Variants in CACNB2 observed in about 807,000 individuals in gnomAD.
CACNB2 encodes the protein calcium voltage-gated channel auxiliary subunit beta 2.
Under a neutral mutation model 73.3 loss-of-function variants are expected in CACNB2, and 42 were observed. That is an observed-to-expected ratio of 0.57 (90% confidence interval 0.45 to 0.74). The LOEUF (loss-of-function observed/expected upper bound fraction) is 0.74. Among genes scored for constraint, CACNB2 ranks in the 30% least tolerant of loss-of-function variants. The pLI, the probability that CACNB2 is intolerant of heterozygous loss-of-function variation, is 0.00. For missense variants in CACNB2, 940 were observed against 853.0 expected, an observed-to-expected ratio of 1.10 and a Z score of -1.27; for synonymous variants, 348 against 310.3, an observed-to-expected ratio of 1.12 and a Z score of -1.28.
At chr10:18,295,464 G>C (rs1294596311) in intron 2 of CACNB2, among the ~76,000 whole-genome samples, 1 of 152,170 alleles carries the variant, frequency 6.6e-6, no homozygotes, top group African/African-American at 2.4e-5. Context: ...AAACTCTCTT[G>C]CTGTTCTTTT....
At chr10:18,393,968 G>A (rs761578848) in intron 2 of CACNB2, among the ~76,000 whole-genome samples, 2 of 152,152 alleles carry the variant, frequency 1.3e-5, no homozygotes, top group Non-Finnish European at 2.9e-5. Flanking sequence ...CCAAGTAGGA[G>A]TCTCACTCTG....
chr10:18,159,489 A>G (rs1158729493), intron 2 of CACNB2, among the ~76,000 whole-genome samples: 2 of 152,218 alleles, frequency 1.3e-5, no homozygotes, highest in East Asian at 3.8e-4. Flanking sequence ...TGTAGCTTCT[A>G]ACAGCTTCTA....
At chr10:18,346,074 C>A (rs996261308) in intron 2 of CACNB2, among the ~76,000 whole-genome samples, 3 of 152,182 alleles carry the variant, frequency 2.0e-5, no homozygotes, top group African/African-American at 7.2e-5. Context: ...TAGCTTCCTG[C>A]AGGGCTCCCC....
At chr10:18,481,202 ATATATATATATATATATATATATATATAT>A (rs1243822061) in intron 3 of CACNB2, among the ~76,000 whole-genome samples, 231 of 7,200 alleles carry the variant, frequency 0.032, 15 homozygotes, top group Non-Finnish European at 0.047. Flanking sequence ...CTATATATAT[ATATATATATATATATATATATATATATAT>A]TTTTTTTTTT....
chr10:18,363,624 T>C (rs1445818277), intron 2 of CACNB2, among the ~76,000 whole-genome samples: 1 of 152,218 alleles, frequency 6.6e-6, no homozygotes, highest in Non-Finnish European at 1.5e-5. Context: ...AAAGCTAGTA[T>C]TTAATAGCAT....
At chr10:18,352,552 C>A (rs77141557) in intron 2 of CACNB2, among the ~76,000 whole-genome samples, 13,818 of 152,246 alleles carry the variant, frequency 0.091, 789 homozygotes, top group Admixed American at 0.13. Flanking sequence ...CATTTTTAAG[C>A]ACTCTTGTTT....
At chr10:18,421,629 G>A (rs1172664369) in intron 3 of CACNB2, among the ~76,000 whole-genome samples, 1 of 152,098 alleles carries the variant, frequency 6.6e-6, no homozygotes, top group Non-Finnish European at 1.5e-5. Context: ...GGTTTTTTAA[G>A]TGGTTATTTT....
chr10:18,186,195 G>C (rs191204384), intron 2 of CACNB2, among the ~76,000 whole-genome samples: 2 of 152,070 alleles, frequency 1.3e-5, no homozygotes, highest in African/African-American at 4.8e-5. Flanking sequence ...GAAGGTGGGC[G>C]GATCACCTGA....
At chr10:18,374,201 T>C (rs1167995958) in intron 2 of CACNB2, among the ~76,000 whole-genome samples, 1 of 152,146 alleles carries the variant, frequency 6.6e-6, no homozygotes, top group Non-Finnish European at 1.5e-5. Context: ...CAAGAAAAGA[T>C]TTGAACATGA....
At chr10:18,336,630 A>G (rs1483555080) in intron 2 of CACNB2, among the ~76,000 whole-genome samples, 1 of 30,934 alleles carries the variant, frequency 3.2e-5, no homozygotes, top group Non-Finnish European at 6.5e-5. Flanking sequence ...CAAAAAAAGA[A>G]AAAAAAAAAG....
At chr10:18,262,063 A>G (rs2131600637) in intron 2 of CACNB2, 1 of 517,882 alleles carries the variant, frequency 1.9e-6, no homozygotes. Context: ...GAAGGGTTGT[A>G]AAAGGGAACA....
At chr10:18,291,217 T>G (rs1226190421) in intron 2 of CACNB2, among the ~76,000 whole-genome samples, 3 of 152,206 alleles carry the variant, frequency 2.0e-5, no homozygotes, top group African/African-American at 7.2e-5. Flanking sequence ...TGAGCGGCAC[T>G]AGTGCCTCCT....
Position 18,543,323 on chromosome 10 carries a change from A to G in CACNB2, c.*3599A>G, listed in dbSNP as rs1294947877. The G allele has an allele frequency of 1.3e-5, 2 of 152,176 alleles. No individual in the cohort carries two copies. Among genetic ancestry groups the G allele is most frequent in the African/African-American group, 4.8e-5 (2 of 41,444 alleles). The allele number at this position is 152,176 out of a possible 1,614,324, so 9.4% of individuals were successfully genotyped here. A position where few individuals can be genotyped will look rare whatever the true frequency, so the allele number is the denominator to read the frequency against. On this transcript the variant is annotated 3_prime_UTR_variant, in exon 14 of 14. Coordinates refer to ENST00000324631, the MANE Select transcript of CACNB2 (RefSeq NM_201596.3). Reference sequence around the variant, plus strand: ...AAAAAAAAGATACCTCCACGTAGATAAAATATTTTATTCAACGTGAGCTCT... The same window carrying G: ...AAAAAAAAGATACCTCCACGTAGATGAAATATTTTATTCAACGTGAGCTCT...
At chr10:18,490,060 T>A (rs2049319445) in intron 3 of CACNB2, among the ~76,000 whole-genome samples, 1 of 152,100 alleles carries the variant, frequency 6.6e-6, no homozygotes. Context: ...GTATTTTTGG[T>A]AGAGACAGAG....
chr10:18,377,941 T>C (rs2042867946), intron 2 of CACNB2, among the ~76,000 whole-genome samples: 2 of 152,224 alleles, frequency 1.3e-5, no homozygotes, highest in South Asian at 4.1e-4. Flanking sequence ...AAAATTATAA[T>C]TATGATAGAC....
At chr10:18,359,962 C>A (rs1004404570) in intron 2 of CACNB2, among the ~76,000 whole-genome samples, 8 of 152,202 alleles carry the variant, frequency 5.3e-5, no homozygotes, top group African/African-American at 1.9e-4. Context: ...TTAAACTATT[C>A]TATATTCAAA....
chr10:18,534,903 C>T (rs1288755437), intron 11 of CACNB2, among the ~76,000 whole-genome samples: 1 of 152,148 alleles, frequency 6.6e-6, no homozygotes, highest in Non-Finnish European at 1.5e-5. Flanking sequence ...CAGATATTTT[C>T]TTGGACAAAA....
chr10:18,503,268 C>A (rs75903178), intron 5 of CACNB2, among the ~76,000 whole-genome samples: 1,932 of 152,154 alleles, frequency 0.013, 19 homozygotes, highest in African/African-American at 0.017. Flanking sequence ...GTTTTCCTAC[C>A]CTCTGTATTG....
intron 2 of CACNB2, among the ~76,000 whole-genome samples, chr10:18,318,717 C>G (rs1407435770): frequency 6.6e-6 from 1 of 152,032 alleles, no homozygotes; most frequent in Non-Finnish European, 1.5e-5. Flanking sequence ...TGACAAAGGT[C>G]TAATATCCAG....
Sources: allele counts gnomAD v4.1 joint callset (sites outside exome capture counted in the v4.1 genomes callset), GRCh38; gene constraint gnomAD v4.1.1; transcripts MANE v1.5; gene names NCBI Gene and HGNC (gene_info 2026-07-23, HGNC 2026-07-21).